ACTL8: variants seen among roughly 807,000 people sequenced by gnomAD.
ACTL8 encodes actin-like protein 8.
ACTL8 carries 3 observed loss-of-function variants against 9.3 expected under a neutral mutation model. That is an observed-to-expected ratio of 0.32 (90% CI 0.15 to 0.83). The LOEUF is 0.83. ACTL8 is among the 40% of genes least tolerant of loss of function. ACTL8 has a pLI of 0.57. For synonymous variants in ACTL8, 224 were observed against 205.9 expected, an observed-to-expected ratio of 1.09 and a Z score of -0.75; for missense variants, 381 against 492.2, an observed-to-expected ratio of 0.77 and a Z score of 2.14.
intron 1 of ACTL8, among the ~76,000 whole-genome samples, chr1:17,790,504 A>G (rs531351766): frequency 1.3e-5 from 2 of 152,202 alleles, no homozygotes; most frequent in Non-Finnish European, 2.9e-5. Flanking sequence ...TCCTCTCTGC[A>G]GCCTGTTGTC....
In ACTL8 at chr1:17,823,034, A is replaced by AC; in HGVS notation, c.28dup (p.His10ProfsTer15). On this transcript the variant is annotated frameshift_variant, in exon 2 of 3. Transcript: ENST00000375406. LOFTEE classifies it high-confidence loss of function. The surrounding 1 kb of genome is among the most constrained non-coding windows in gnomAD (Gnocchi z 5.3). ...ATGGCTGCAAGAACCGTTATCATTG[A>AC]CCACGGGTCTGGCTTTTTGAAGGCT... 3.7e-6 allele frequency: 6 copies of AC among 1,614,084 alleles called. No homozygotes were observed. Among genetic ancestry groups the AC allele is most frequent in the Non-Finnish European group, 5.1e-6 (6 of 1,180,014 alleles).
intron 1 of ACTL8, among the ~76,000 whole-genome samples, chr1:17,766,688 T>C (rs2066046712): frequency 2.0e-5 from 3 of 152,136 alleles, no homozygotes; most frequent in Admixed American, 2.0e-4. Context: ...AGAGAGGGTA[T>C]ATTTAGCCCA....
chr1:17,789,327 A>G (rs1484740816), intron 1 of ACTL8, among the ~76,000 whole-genome samples: 5 of 152,176 alleles, frequency 3.3e-5, no homozygotes, highest in Admixed American at 2.0e-4. Context: ...AACTTCTCCC[A>G]TGCTCCCAGA....
intron 1 of ACTL8, among the ~76,000 whole-genome samples, chr1:17,756,832 C>T (rs1236184086): frequency 3.3e-5 from 5 of 152,202 alleles, no homozygotes; most frequent in African/African-American, 7.2e-5. Flanking sequence ...ACCTGAGGCA[C>T]GTCTGTTGGG....
At chr1:17,762,267 G>A (rs1020451759) in intron 1 of ACTL8, among the ~76,000 whole-genome samples, 4 of 152,076 alleles carry the variant, frequency 2.6e-5, no homozygotes, top group East Asian at 1.9e-4. Flanking sequence ...CTCTGAGGTC[G>A]TGCAGCAAAT....
rs1437828021 is a variant in ACTL8, at chr1:17,826,641, T to C, written c.*122T>C. The C allele has an allele frequency of 1.9e-6, 2 of 1,039,398 alleles. No homozygotes were observed. Among genetic ancestry groups the C allele is most frequent in the African/African-American group, 1.6e-5 (1 of 62,462 alleles). The allele number at this position is 1,039,398 out of a possible 1,614,324, so 64.4% of individuals were successfully genotyped here. A position where few individuals can be genotyped will look rare whatever the true frequency, so the allele number is the denominator to read the frequency against. The stretch of plus-strand genomic sequence containing the variant: ...GTGGGGTGAGCTGGCTTTGGAATTC[T>C]AGGGGCATGAGGGTATTTTTTAGGT... On this transcript the variant is annotated 3_prime_UTR_variant, in exon 3 of 3. Coordinates refer to ENST00000375406, the MANE Select transcript of ACTL8 (RefSeq NM_030812.3). The surrounding 1 kb of genome is among the most constrained non-coding windows in gnomAD (Gnocchi z 4.5).
chr1:17,795,228 G>T (rs913956216), intron 1 of ACTL8, among the ~76,000 whole-genome samples: 3 of 152,198 alleles, frequency 2.0e-5, no homozygotes, highest in African/African-American at 7.2e-5. Context: ...TTTCAGAAGG[G>T]AGGGCAAAGC....
At chr1:17,797,154 C>T (rs1240320779) in intron 1 of ACTL8, among the ~76,000 whole-genome samples, 1 of 151,980 alleles carries the variant, frequency 6.6e-6, no homozygotes, top group Admixed American at 6.6e-5. Context: ...GGATCCAAAT[C>T]CCTCCCGCCT....
intron 1 of ACTL8, among the ~76,000 whole-genome samples, chr1:17,774,491 A>G (rs977784339): frequency 2.6e-5 from 4 of 151,676 alleles, no homozygotes; most frequent in Non-Finnish European, 4.4e-5. Context: ...TGAAAATTCA[A>G]CTCCTCAGGG....
chr1:17,780,765 G>A (rs1016906959), intron 1 of ACTL8, among the ~76,000 whole-genome samples: 1 of 151,102 alleles, frequency 6.6e-6, no homozygotes, highest in Non-Finnish European at 1.5e-5. Flanking sequence ...GGGTGGGGAG[G>A]ATAAACCCAA....
At position 17,825,856 on chromosome 1, in the gene ACTL8, G is replaced by A. The variant is rs2053711602; in HGVS notation, c.438G>A (p.Val146=). 1.2e-6 allele frequency: 2 copies of A among 1,613,944 alleles called. No individual in the cohort carries two copies. The highest frequency in any genetic ancestry group is 2.7e-5 in the African/African-American group (2 of 74,946). ...SLYASGLLTG[V]VVDSGYGLTR... ...ATGCCTCTGGCCTCCTGACCGGAGTGGTGGTTGATTCTGGCTATGGCCTGA... is the reference window on the plus strand; with the variant it reads ...ATGCCTCTGGCCTCCTGACCGGAGTAGTGGTTGATTCTGGCTATGGCCTGA... The change falls in exon 3 of 3, where the codon GTG becomes GTA. Residue 146 remains valine, a synonymous_variant. Coordinates refer to ENST00000375406, the MANE Select transcript of ACTL8 (RefSeq NM_030812.3).
intron 1 of ACTL8, among the ~76,000 whole-genome samples, chr1:17,817,389 C>T (rs761657801): frequency 7.2e-5 from 11 of 152,186 alleles, no homozygotes; most frequent in Non-Finnish European, 1.3e-4. Context: ...CTCACCTCTT[C>T]AATGGACATG....
chr1:17,769,081 C>A (rs968366892), intron 1 of ACTL8, among the ~76,000 whole-genome samples: 3 of 152,184 alleles, frequency 2.0e-5, no homozygotes, highest in African/African-American at 7.2e-5. Context: ...GAGTCAGTCG[C>A]AAAGAAGGTC....
chr1:17,775,753 C>T (rs916921021), intron 1 of ACTL8, among the ~76,000 whole-genome samples: 1 of 152,170 alleles, frequency 6.6e-6, no homozygotes, highest in Non-Finnish European at 1.5e-5. Context: ...TGAGAATGTC[C>T]CTTTTGGGGC....
In ACTL8 at chr1:17,823,427, G is replaced by A. The variant is rs1483544877; in HGVS notation, c.348+71G>A. 3 of 1,416,532 alleles carry A rather than the reference G, an allele frequency of 2.1e-6. No homozygotes were observed. The highest frequency in any genetic ancestry group is 1.8e-4 in the Middle Eastern group (1 of 5,426). 87.7% of individuals were successfully genotyped at this position (1,416,532 alleles called of 1,614,324 possible). The stretch of plus-strand genomic sequence containing the variant: ...CTGACACTATGTCTGGACTGATTGG[G>A]CACCAGGAATTCTGCTTTTTAAGAT... On this transcript the variant is annotated intron_variant, in intron 2 of 2. Coordinates refer to ENST00000375406, the MANE Select transcript of ACTL8 (RefSeq NM_030812.3). The surrounding 1 kb of genome is among the most constrained non-coding windows in gnomAD (Gnocchi z 5.3).
intron 1 of ACTL8, among the ~76,000 whole-genome samples, chr1:17,779,108 C>G (rs866780310): frequency 6.6e-6 from 1 of 152,142 alleles, no homozygotes; most frequent in African/African-American, 2.4e-5. Context: ...TATACATACC[C>G]GAGATTCCAG....
chr1:17,758,943 A>T (rs1322554669), intron 1 of ACTL8, among the ~76,000 whole-genome samples: 1 of 152,152 alleles, frequency 6.6e-6, no homozygotes, highest in Admixed American at 6.5e-5. Context: ...TGTTCCATGG[A>T]ACTGTGATCG....
intron 1 of ACTL8, among the ~76,000 whole-genome samples, chr1:17,769,140 T>A (rs1202743603): frequency 1.3e-5 from 2 of 152,162 alleles, no homozygotes; most frequent in Non-Finnish European, 2.9e-5. Context: ...TCCACTGGTC[T>A]GTGTTGCAGA....
rs12164571 is a variant in ACTL8, at chr1:17,788,278, T to C, written c.-25+32774T>C. 9.3e-3 allele frequency among the ~76,000 whole-genome samples: 1,419 copies of C among 152,372 alleles called. 22 individuals carry two copies. Among genetic ancestry groups the C allele is most frequent in the African/African-American group, 0.032 (1,347 of 41,584 alleles). The stretch of plus-strand genomic sequence containing the variant: ...AATCTGTGTCTTCTTCTGCAGTCTC[T>C]GGGTCCCCAAGGTTGGTTAAGAAGC... On this transcript the variant is annotated intron_variant, in intron 1 of 2. Coordinates refer to ENST00000375406, the MANE Select transcript of ACTL8 (RefSeq NM_030812.3).
Sources: gnomAD v4.1 joint callset for allele counts (sites outside exome capture counted in the v4.1 genomes callset) on GRCh38, gnomAD v4.1.1 for gene constraint, Gnocchi (gnomAD v3.1) non-coding constraint, MANE v1.5 for transcripts, NCBI Gene and HGNC (gene_info 2026-07-23, HGNC 2026-07-21) for gene names.